Variants in GDPD3 observed in about 807,000 individuals in gnomAD.
GDPD3 encodes the protein lysophospholipase D GDPD3.
GDPD3 carries 40 observed loss-of-function variants against 43.7 expected under a neutral mutation model. The ratio of observed to expected loss-of-function variants is 0.91; its 90% CI spans 0.71 to 1.19. GDPD3 has a LOEUF of 1.19. Ranked by LOEUF, GDPD3 falls within the 50% of genes most tolerant of loss-of-function variation. The probability of loss-of-function intolerance (pLI) is 0.00; values close to 1 mark genes in which losing one functional copy is unlikely to be tolerated. For synonymous variants in GDPD3, 145 were observed against 162.9 expected (o/e 0.89, Z 0.84); for missense variants, 363 against 415.8 (o/e 0.87, Z 1.11).
Position 30,108,386 on chromosome 16 carries a change from C to A in GDPD3, c.754G>T (p.Val252Leu). The A allele has an allele frequency of 1.9e-6, 3 of 1,614,060 alleles. No individual in the cohort carries two copies. Among genetic ancestry groups the A allele is most frequent in the Non-Finnish European group, 2.5e-6 (3 of 1,180,004 alleles). ...TGCCCACCTCACCATTTCGAAACCA[C>A]AGCCAATAACTGGTTCAGGCAAGAG... ...SCSCLNQLLAVVSKWLIMRKS... is the reference protein window; with the variant it reads ...SCSCLNQLLALVSKWLIMRKS... The change falls in exon 8 of 10, where the codon GTG becomes TTG. Residue 252 changes from valine (V) to leucine (L), a missense_variant. Val to Leu is a conservative substitution (Grantham distance 32). Transcript: ENST00000406256.
At chr16:30,106,440 C>CCCCATT (rs1166878309) in intron 9 of GDPD3, among the ~76,000 whole-genome samples, 1 of 152,178 alleles carries the variant, frequency 6.6e-6, no homozygotes, top group Non-Finnish European at 1.5e-5. Context: ...TCCCCCAAAC[C>CCCCATT]CCCATTCCAC....
In GDPD3 at chr16:30,109,091, A is replaced by G. The variant is rs536215180; in HGVS notation, c.708-659T>C. On this transcript the variant is annotated intron_variant, in intron 7 of 9. Coordinates refer to ENST00000406256, the MANE Select transcript of GDPD3 (RefSeq NM_024307.3). ...GTGATCCGCCCGCCTTGGCCTCCCA[A>G]AGTGCTGGGATTACAGGCGTGAGCC... 3.3e-5 allele frequency among the ~76,000 whole-genome samples: 5 copies of G among 152,036 alleles called. No homozygotes were observed. In the South Asian group the frequency reaches 1.0e-3, roughly 32 times the overall value.
intron 7 of GDPD3, among the ~76,000 whole-genome samples, chr16:30,109,671 G>A (rs2072886140): frequency 6.6e-6 from 1 of 151,290 alleles, no homozygotes; most frequent in African/African-American, 2.4e-5. Context: ...CCAGGATGGT[G>A]GTGCATGCCT....
Position 30,112,271 on chromosome 16 carries a change from C to A in GDPD3, c.483+35G>T, listed in dbSNP as rs570497043. 6.2e-7 allele frequency: 1 copy of A among 1,613,306 alleles called. No homozygotes were observed. The highest frequency in any genetic ancestry group is 1.3e-5 in the African/African-American group (1 of 74,918). ...GGGAGAGCCAGGCCTCTCTCACGCC[C>A]CCGGTGGCCGCCCTAGCCCTGCCTG... On this transcript the variant is annotated intron_variant, in intron 5 of 9. Transcript: ENST00000406256. The surrounding 1 kb of genome is among the most constrained non-coding windows in gnomAD (Gnocchi z 5.4).
In GDPD3 at chr16:30,108,270, G is replaced by A; in HGVS notation, c.768-6C>T. ...GACTCTTCCTCATGATCAGCCTGGG[G>A]GTGGGGTGGGGACGTGGGAGGTGAT... On this transcript the variant is annotated splice_polypyrimidine_tract_variant and splice_region_variant and intron_variant, in intron 8 of 9. Coordinates refer to ENST00000406256, the MANE Select transcript of GDPD3 (RefSeq NM_024307.3). 6.2e-7 allele frequency: 1 copy of A among 1,612,694 alleles called. No homozygotes were observed. Among genetic ancestry groups the A allele is most frequent in the East Asian group, 2.2e-5 (1 of 44,788 alleles).
At chr16:30,105,831 C>G (rs1383684534) in intron 9 of GDPD3, among the ~76,000 whole-genome samples, 1 of 149,558 alleles carries the variant, frequency 6.7e-6, no homozygotes, top group African/African-American at 2.4e-5. Flanking sequence ...CAACAAGTGG[C>G]CAGGCGTAGT....
In GDPD3 at chr16:30,112,855, T is replaced by G. The variant is rs1489693236; in HGVS notation, c.183-62A>C. 10 of 1,576,994 alleles carry G rather than the reference T, an allele frequency of 6.3e-6. No homozygotes were observed. The highest frequency in any genetic ancestry group is 8.7e-6 in the Non-Finnish European group (10 of 1,154,692). ...GGACTGGGATGAGGGGCATGGTGGC[T>G]GGGAGGTGGCCGGGAATGTGAGAGC... On this transcript the variant is annotated intron_variant, in intron 2 of 9. Coordinates refer to ENST00000406256, the MANE Select transcript of GDPD3 (RefSeq NM_024307.3). The surrounding 1 kb of genome is among the most constrained non-coding windows in gnomAD (Gnocchi z 5.4).
In GDPD3 at chr16:30,111,487, C is replaced by T. The variant is rs564468127; in HGVS notation, c.608G>A (p.Arg203Gln). ...PEMPLSFTIS[R>Q]GFWVLLSYYL... The stretch of plus-strand genomic sequence containing the variant: ...GTAGGAAAGCAGCACCCAGAATCCT[C>T]GGCTTATTGTGAAGGACAGGGGCAT... The change falls in exon 7 of 10, where the codon CGA (arginine) becomes CAA (glutamine). Residue 203 changes from arginine to glutamine, a missense_variant. Coordinates refer to ENST00000406256, the MANE Select transcript of GDPD3 (RefSeq NM_024307.3). 3.7e-6 allele frequency: 6 copies of T among 1,613,938 alleles called. No homozygotes were observed. The Admixed American group carries it at 5.0e-5, about 13-fold the overall frequency.
rs775004990 is a variant in GDPD3 at position 30,113,107 on chromosome 16, G to A, written c.140-43C>T. On this transcript the variant is annotated intron_variant, in intron 1 of 9. Transcript: ENST00000406256. This position sits in a 1 kb window ranked among gnomAD's most constrained non-coding sequence, Gnocchi z 5.9. ...GTGGGCCTCTGGGGCTTGGGGTCTA[G>A]GGGCCTGGCCCAACCTCATCACCCA... 3 of 1,574,402 alleles carry A rather than the reference G, an allele frequency of 1.9e-6. No individual in the cohort carries two copies. Among genetic ancestry groups the A allele is most frequent in the Middle Eastern group, 1.7e-4 (1 of 5,964 alleles).
Position 30,111,516 on chromosome 16 carries a change from G to T in GDPD3, c.579C>A (p.Pro193=), listed in dbSNP as rs777982889. 1 of 1,613,722 alleles carries T rather than the reference G, an allele frequency of 6.2e-7. No individual in the cohort carries two copies. Among genetic ancestry groups the T allele is most frequent in the Non-Finnish European group, 8.5e-7 (1 of 1,179,896 alleles). The change falls in exon 7 of 10, where the codon CCC becomes CCA. Residue 193 remains proline (P), a synonymous_variant. Coordinates refer to ENST00000406256, the MANE Select transcript of GDPD3 (RefSeq NM_024307.3). The part of the protein sequence containing the change: ...SVMKKCKAAN[P]EMPLSFTISR... ...TTATTGTGAAGGACAGGGGCATCTC[G>T]GGGTTCTGGGGAGGCAAGGAGAGGC... is the stretch of plus-strand genomic sequence containing the variant.
At chr16:30,109,389 G>A (rs1264032736) in intron 7 of GDPD3, among the ~76,000 whole-genome samples, 2 of 152,108 alleles carry the variant, frequency 1.3e-5, no homozygotes, top group East Asian at 1.9e-4. Context: ...AGACCCTGTA[G>A]TCCCAGCCAC....
intron 9 of GDPD3, among the ~76,000 whole-genome samples, chr16:30,105,782 T>C (rs1361452205): frequency 6.9e-6 from 1 of 144,778 alleles, no homozygotes; most frequent in African/African-American, 2.5e-5. Context: ...GGATTACAGG[T>C]GTGAGCCACC....
In GDPD3 at chr16:30,113,262, C is replaced by T. The variant is rs1225437890; in HGVS notation, c.139+78G>A. On this transcript the variant is annotated intron_variant, in intron 1 of 9. Coordinates refer to ENST00000406256, the MANE Select transcript of GDPD3 (RefSeq NM_024307.3). The surrounding 1 kb of genome is among the most constrained non-coding windows in gnomAD (Gnocchi z 5.9). ...TCTCCTTCTCTCTTGGTCCCTGCCCCGTTTCTAGCATGCCCCCTTGGACCT... is the reference window on the plus strand; with the variant it reads ...TCTCCTTCTCTCTTGGTCCCTGCCCTGTTTCTAGCATGCCCCCTTGGACCT... 3.7e-5 allele frequency: 56 copies of T among 1,510,736 alleles called. No homozygotes were observed. The highest frequency in any genetic ancestry group is 3.8e-5 in the Non-Finnish European group (43 of 1,120,856). The allele number at this position is 1,510,736 out of a possible 1,614,324, so 93.6% of individuals were successfully genotyped here. A position where few individuals can be genotyped will look rare whatever the true frequency, so the allele number is the denominator to read the frequency against.
Position 30,112,694 on chromosome 16 carries a change from C to G in GDPD3, c.282G>C (p.Ser94=). Residue 94 remains serine, a synonymous_variant, in exon 3 of 10, where the codon TCG becomes TCC. Coordinates refer to ENST00000406256, the MANE Select transcript of GDPD3 (RefSeq NM_024307.3). The surrounding 1 kb of genome is among the most constrained non-coding windows in gnomAD (Gnocchi z 5.4). ...VSHDENLCRQ[S]GLNRDVGSLD... Reference sequence around the variant, plus strand: ...GGCTGCCCACATCCCTGTTTAGGCCCGACTGGCGGCACAGGTTCTCATCAT... The same window carrying G: ...GGCTGCCCACATCCCTGTTTAGGCCGGACTGGCGGCACAGGTTCTCATCAT... The G allele has an allele frequency of 6.2e-7, 1 of 1,613,992 alleles. No individual in the cohort carries two copies. Among genetic ancestry groups the G allele is most frequent in the Non-Finnish European group, 8.5e-7 (1 of 1,180,008 alleles).
intron 9 of GDPD3, among the ~76,000 whole-genome samples, chr16:30,107,164 G>A (rs2072866671): frequency 6.6e-6 from 1 of 152,138 alleles, no homozygotes; most frequent in South Asian, 2.1e-4. Flanking sequence ...GCAGTGGCGT[G>A]ATTCTGATTA....
At chr16:30,106,110 C>CA (rs1248042905) in intron 9 of GDPD3, among the ~76,000 whole-genome samples, 11 of 151,824 alleles carry the variant, frequency 7.2e-5, no homozygotes, top group South Asian at 2.1e-4. Flanking sequence ...GACTCTGTCT[C>CA]AAAAAACAAA....
At position 30,108,511 on chromosome 16, in the gene GDPD3, C is replaced by T. The variant is rs534553032; in HGVS notation, c.708-79G>A. On this transcript the variant is annotated intron_variant, in intron 7 of 9. Transcript: ENST00000406256. ...GTGGGGTGGGCTGGTAGTGCCCCCG[C>T]CAACTAGGGTAGCGCTGCCCTCCCA... 9,117 of 1,316,062 alleles carry T rather than the reference C, an allele frequency of 6.9e-3. 46 individuals carry two copies. The highest frequency in any genetic ancestry group is 7.2e-3 in the Non-Finnish European group (6,590 of 910,384). The allele number at this position is 1,316,062 out of a possible 1,614,324, so 81.5% of individuals were successfully genotyped here. A position where few individuals can be genotyped will look rare whatever the true frequency, so the allele number is the denominator to read the frequency against.
chr16:30,107,474 A>G (rs944501861), intron 9 of GDPD3, among the ~76,000 whole-genome samples: 2 of 152,038 alleles, frequency 1.3e-5, no homozygotes, highest in Admixed American at 6.6e-5. Context: ...AGTGCCTGGA[A>G]CATTCTCAAG....
In GDPD3 at chr16:30,108,019, A is replaced by AC. The variant is rs1310398055; in HGVS notation, c.819+193_819+194insG. The stretch of plus-strand genomic sequence containing the variant: ...CACACACACACACACACACACACAG[A>AC]AGAAGAAAATTGTGTGTGTTCGTGT... On this transcript the variant is annotated intron_variant, in intron 9 of 9. Transcript: ENST00000406256. 9 of 530,092 alleles carry AC rather than the reference A, an allele frequency of 1.7e-5. No homozygotes were observed. In the Admixed American group the frequency reaches 2.4e-4, roughly 14 times the overall value. 32.8% of individuals were successfully genotyped at this position (530,092 alleles called of 1,614,324 possible).
Sources: gnomAD v4.1 joint callset for allele counts (sites outside exome capture counted in the v4.1 genomes callset) on GRCh38, gnomAD v4.1.1 for gene constraint, Gnocchi (gnomAD v3.1) non-coding constraint, MANE v1.5 for transcripts, NCBI Gene and HGNC (gene_info 2026-07-23, HGNC 2026-07-21) for gene names.